Variants in LURAP1L observed in about 807,000 individuals in gnomAD.
The protein encoded by LURAP1L is leucine rich adaptor protein 1 like.
LURAP1L carries 12 observed loss-of-function variants against 13.8 expected under a neutral mutation model. The observed-to-expected ratio is 0.87, with a 90% CI of 0.56 to 1.41. The LOEUF is 1.41. Among genes scored for constraint, LURAP1L ranks in the 40% most tolerant of loss-of-function variants. The probability of loss-of-function intolerance (pLI) is 0.00; values close to 1 mark genes in which losing one functional copy is unlikely to be tolerated. For synonymous variants in LURAP1L, 139 were observed against 119.2 expected (o/e 1.17, Z -1.08); for missense variants, 375 against 292.9 (o/e 1.28, Z -2.04).
At chr9:12,789,481 T>G (rs1456616507) in intron 1 of LURAP1L, among the ~76,000 whole-genome samples, 1 of 152,096 alleles carries the variant, frequency 6.6e-6, no homozygotes, top group Non-Finnish European at 1.5e-5. Context: ...GTCCCTAAAT[T>G]TGGTATTGAG....
At position 12,822,388 on chromosome 9, in the gene LURAP1L, G is replaced by T. The variant is rs1410887279; in HGVS notation, c.*628G>T. On this transcript the variant is annotated 3_prime_UTR_variant, in exon 2 of 2. Transcript: ENST00000319264. ...TGTTGGTACTTTAGATTAACATTTTGTCATCAGTGATTCTAACTCAAATCA... is the reference window on the plus strand; with the variant it reads ...TGTTGGTACTTTAGATTAACATTTTTTCATCAGTGATTCTAACTCAAATCA... Among the ~76,000 whole-genome samples, 3 of 152,104 alleles carry T rather than the reference G, an allele frequency of 2.0e-5. No homozygotes were observed. Among genetic ancestry groups the T allele is most frequent in the Non-Finnish European group, 4.4e-5 (3 of 68,022 alleles).
intron 1 of LURAP1L, among the ~76,000 whole-genome samples, chr9:12,779,170 C>G (rs1286632727): frequency 6.6e-6 from 1 of 150,568 alleles, no homozygotes; most frequent in Non-Finnish European, 1.5e-5. Context: ...TAAGGGTGTA[C>G]TACTACATTT....
chr9:12,790,188 G>A (rs989016791), intron 1 of LURAP1L, among the ~76,000 whole-genome samples: 1 of 152,054 alleles, frequency 6.6e-6, no homozygotes, highest in East Asian at 1.9e-4. Context: ...CTCTATACAT[G>A]ACTTCATCTG....
chr9:12,788,189 A>AAGAAAGAAAGAAAG (rs1554657447), intron 1 of LURAP1L, among the ~76,000 whole-genome samples: 3 of 140,824 alleles, frequency 2.1e-5, no homozygotes, highest in African/African-American at 7.8e-5. Context: ...GAAAGAAAGA[A>AAGAAAGAAAGAAAG]AGAAAAGAAA....
At chr9:12,799,981 G>C (rs1819562478) in intron 1 of LURAP1L, among the ~76,000 whole-genome samples, 1 of 151,786 alleles carries the variant, frequency 6.6e-6, no homozygotes, top group African/African-American at 2.4e-5. Context: ...ACTACAGTCA[G>C]ATGAATTAAC....
At chr9:12,796,716 A>C (rs893627570) in intron 1 of LURAP1L, among the ~76,000 whole-genome samples, 1 of 151,924 alleles carries the variant, frequency 6.6e-6, no homozygotes, top group Non-Finnish European at 1.5e-5. Context: ...GAGTGCATAA[A>C]TGCTGTATTT....
Position 12,786,536 on chromosome 9 carries a change from TATATATATGAC to T in LURAP1L, c.312+10518_312+10528del, listed in dbSNP as rs1218466843. Among the ~76,000 whole-genome samples the T allele has an allele frequency of 6.4e-4, 38 of 59,460 alleles. 1 individual carries two copies. Among genetic ancestry groups the T allele is most frequent in the African/African-American group, 2.4e-3 (35 of 14,660 alleles). 39.0% of individuals were successfully genotyped at this position (59,460 alleles called of 152,430 possible). On this transcript the variant is annotated intron_variant, in intron 1 of 1. Coordinates refer to ENST00000319264, the MANE Select transcript of LURAP1L (RefSeq NM_203403.2). ...AAAATTAGATTAAATGGCTAACATG[TATATATATGAC>T]ATATATATATATATATATATATATA...
chr9:12,794,540 T>C (rs1819487083), intron 1 of LURAP1L, among the ~76,000 whole-genome samples: 1 of 152,062 alleles, frequency 6.6e-6, no homozygotes, highest in Non-Finnish European at 1.5e-5. Flanking sequence ...GTCAGATTGG[T>C]TCATACACTT....
intron 1 of LURAP1L, among the ~76,000 whole-genome samples, chr9:12,809,827 A>G (rs1488036734): frequency 6.6e-6 from 1 of 152,206 alleles, no homozygotes; most frequent in African/African-American, 2.4e-5. Flanking sequence ...TTCCTCTAGT[A>G]TCCTTGCTTT....
intron 1 of LURAP1L, 73 bp downstream of exon 1, chr9:12,776,100 G>A (rs1259048518): frequency 1.2e-5 from 17 of 1,464,104 alleles, no homozygotes; most frequent in African/African-American, 8.4e-5. Context: ...TGAGAATGGG[G>A]CTGGGAGAGA....
chr9:12,814,874 G>A (rs1182092350), intron 1 of LURAP1L, among the ~76,000 whole-genome samples: 1 of 152,164 alleles, frequency 6.6e-6, no homozygotes, highest in Non-Finnish European at 1.5e-5. Context: ...AATGGAGGAA[G>A]ACAAAGCTGA....
Position 12,820,975 on chromosome 9 carries a change from G to C in LURAP1L, c.313-411G>C, listed in dbSNP as rs74797107. Reference sequence around the variant, plus strand: ...CTTTTAGAGGCTTCTACGATGCTGAGGATGACTCCTTAATTTGTTCACCTT... The same window carrying C: ...CTTTTAGAGGCTTCTACGATGCTGACGATGACTCCTTAATTTGTTCACCTT... On this transcript the variant is annotated intron_variant, in intron 1 of 1. Transcript: ENST00000319264. 2.6e-5 allele frequency among the ~76,000 whole-genome samples: 4 copies of C among 152,230 alleles called. No individual in the cohort carries two copies. The South Asian group carries it at 6.2e-4, about 24-fold the overall frequency.
At chr9:12,807,045 A>AT (rs1819668287) in intron 1 of LURAP1L, among the ~76,000 whole-genome samples, 1 of 140,098 alleles carries the variant, frequency 7.1e-6, no homozygotes, top group Non-Finnish European at 1.5e-5. Flanking sequence ...AAAAAAAAAA[A>AT]TGAGACTAAA....
chr9:12,801,435 G>C (rs2118513762), intron 1 of LURAP1L, among the ~76,000 whole-genome samples: 1 of 152,114 alleles, frequency 6.6e-6, no homozygotes, highest in Non-Finnish European at 1.5e-5. Context: ...TCCAGGCTAT[G>C]TATATATGTA....
At position 12,775,847 on chromosome 9, in the gene LURAP1L, G is replaced by T. The variant is rs533656677; in HGVS notation, c.132G>T (p.Gly44=). ...GGGAAAGGGACAGGGACCCCTGCGG[G>T]GGGAGCGGTGGTGGTGGCGGCGGCG... is the stretch of plus-strand genomic sequence containing the variant. ...VPRERDRDPC[G]GSGGGGGGGG... The change falls in exon 1 of 2, where the codon GGG becomes GGT. Residue 44 remains glycine (G), a synonymous_variant. Transcript: ENST00000319264. The T allele has an allele frequency of 1.3e-6, 2 of 1,518,660 alleles. No individual in the cohort carries two copies. The highest frequency in any genetic ancestry group is 1.5e-5 in the African/African-American group (1 of 66,440). 94.1% of individuals were successfully genotyped at this position (1,518,660 alleles called of 1,614,324 possible). A position where few individuals can be genotyped will look rare whatever the true frequency, so the allele number is the denominator to read the frequency against.
intron 1 of LURAP1L, among the ~76,000 whole-genome samples, chr9:12,820,088 A>G (rs544335855): frequency 6.6e-6 from 1 of 152,136 alleles, no homozygotes; most frequent in African/African-American, 2.4e-5. Flanking sequence ...TTACAGCACC[A>G]CCTCCCCAAA....
chr9:12,782,333 G>C (rs1314388921), intron 1 of LURAP1L, among the ~76,000 whole-genome samples: 1 of 152,162 alleles, frequency 6.6e-6, no homozygotes, highest in African/African-American at 2.4e-5. Flanking sequence ...TCCTTGTCCA[G>C]AGCAATGTTA....
chr9:12,804,158 G>A (rs1360426777), intron 1 of LURAP1L, among the ~76,000 whole-genome samples: 1 of 151,936 alleles, frequency 6.6e-6, no homozygotes, highest in Non-Finnish European at 1.5e-5. Flanking sequence ...GACAAGAAGT[G>A]GATAAATAAT....
intron 1 of LURAP1L, among the ~76,000 whole-genome samples, chr9:12,795,767 T>C (rs1819503975): frequency 6.6e-6 from 1 of 152,048 alleles, no homozygotes; most frequent in African/African-American, 2.4e-5. Context: ...TTTCTTACAA[T>C]TGTCTTCTTG....
Sources: allele counts gnomAD v4.1 joint callset (sites outside exome capture counted in the v4.1 genomes callset), GRCh38; gene constraint gnomAD v4.1.1; transcripts MANE v1.5; gene names NCBI Gene and HGNC (gene_info 2026-07-23, HGNC 2026-07-21).